PDE1A: variants seen among roughly 807,000 people sequenced by gnomAD.
PDE1A encodes the protein phosphodiesterase 1A, also known as dual specificity calcium/calmodulin-dependent 3',5'-cyclic nucleotide phosphodiesterase 1A.
In PDE1A, 35 loss-of-function variants were observed where a neutral mutation model predicts 61.7. The observed-to-expected ratio is 0.57, with a 90% confidence interval of 0.43 to 0.75. The LOEUF (loss-of-function observed/expected upper bound fraction) is 0.75, where lower values mean the gene tolerates loss of function less well. Ranked by LOEUF, PDE1A falls within the 30% of genes least tolerant of loss-of-function variation. The probability of loss-of-function intolerance (pLI) is 0.00; values close to 1 mark genes in which losing one functional copy is unlikely to be tolerated. For missense variants in PDE1A, 597 were observed against 630.6 expected, an observed-to-expected ratio of 0.95 and a Z score of 0.57; for synonymous variants, 232 against 213.2, an observed-to-expected ratio of 1.09 and a Z score of -0.77.
exon 8 of PDE1A, chr2:182,205,961 T>C (rs1687064198): frequency 6.2e-7 from 1 of 1,610,120 alleles, no homozygotes; most frequent in African/African-American, 1.3e-5. Context: ...TTTGGATAAA[T>C]TTATCAAGAT....
intron 3 of PDE1A, among the ~76,000 whole-genome samples, chr2:182,235,640 TG>T (rs1032122410): frequency 1.3e-5 from 2 of 152,218 alleles, no homozygotes; most frequent in African/African-American, 4.8e-5. Context: ...CTCCAAGGCC[TG>T]GGAAGAAAGA....
intron 10 of PDE1A, among the ~76,000 whole-genome samples, chr2:182,193,779 G>A (rs1022048848): frequency 5.3e-5 from 8 of 151,984 alleles, no homozygotes; most frequent in Non-Finnish European, 8.8e-5. Flanking sequence ...TGGTGTAATC[G>A]GTGTTTATAG....
intron 1 of PDE1A, among the ~76,000 whole-genome samples, chr2:182,414,520 A>G (rs1702803415): frequency 6.6e-6 from 1 of 152,162 alleles, no homozygotes; most frequent in African/African-American, 2.4e-5. Flanking sequence ...ATAGCATAGT[A>G]ACTGGCATAA....
chr2:182,478,450 T>C (rs1240227804), intron 2 of PDE1A, among the ~76,000 whole-genome samples: 2 of 151,840 alleles, frequency 1.3e-5, no homozygotes, highest in African/African-American at 4.8e-5. Flanking sequence ...GGTGCTTTAA[T>C]AGATGAACAG....
chr2:182,310,680 T>G (rs1695906074), intron 1 of PDE1A, among the ~76,000 whole-genome samples: 1 of 152,156 alleles, frequency 6.6e-6, no homozygotes, highest in South Asian at 2.1e-4. Context: ...TCTTACAAAT[T>G]TTACCAGCTT....
the PDE1A span, among the ~76,000 whole-genome samples, chr2:182,709,680 G>C: frequency 6.6e-6 from 1 of 152,126 alleles, no homozygotes. Context: ...GAAATGAAAT[G>C]CTTTCTTTGT....
At chr2:182,580,015 C>T in the PDE1A span, among the ~76,000 whole-genome samples, 1 of 152,204 alleles carries the variant, frequency 6.6e-6, no homozygotes, top group Admixed American at 6.5e-5. Flanking sequence ...CCATTTCATT[C>T]AGGCTAACAA....
intron 1 of PDE1A, among the ~76,000 whole-genome samples, chr2:182,353,123 G>A (rs2125114329): frequency 6.6e-6 from 1 of 152,248 alleles, no homozygotes; most frequent in South Asian, 2.1e-4. Flanking sequence ...ACAGCTGCAA[G>A]CTAAAAAACA....
the PDE1A span, among the ~76,000 whole-genome samples, chr2:182,694,531 C>T: frequency 1.3e-5 from 2 of 152,134 alleles, no homozygotes; most frequent in African/African-American, 4.8e-5. Context: ...TTGAAACACC[C>T]AGAAGACATG....
chr2:182,382,382 C>G (rs1700787508), intron 1 of PDE1A, among the ~76,000 whole-genome samples: 1 of 152,190 alleles, frequency 6.6e-6, no homozygotes, highest in Non-Finnish European at 1.5e-5. Context: ...AAGGTAGCCC[C>G]TGACTAACAA....
At chr2:182,207,075 A>C (rs1023029657) in intron 7 of PDE1A, among the ~76,000 whole-genome samples, 1 of 152,184 alleles carries the variant, frequency 6.6e-6, no homozygotes, top group Non-Finnish European at 1.5e-5. Context: ...GTATTGCTAT[A>C]AAGATACCTA....
the PDE1A span, among the ~76,000 whole-genome samples, chr2:182,621,069 G>T: frequency 6.6e-6 from 1 of 152,058 alleles, no homozygotes; most frequent in Non-Finnish European, 1.5e-5. Flanking sequence ...TCTCTGGAAG[G>T]TTCTCTGTGC....
chr2:182,396,964 T>C (rs952208130), intron 1 of PDE1A, among the ~76,000 whole-genome samples: 26 of 152,162 alleles, frequency 1.7e-4, no homozygotes, highest in Middle Eastern at 3.2e-3. Flanking sequence ...AGAAACAACA[T>C]AGCACAAATT....
the PDE1A span, among the ~76,000 whole-genome samples, chr2:182,549,535 C>T: frequency 0.9 from 137,084 of 152,132 alleles, 61,954 homozygotes; most frequent in East Asian, 1. Context: ...CTGGAAAATA[C>T]CTCCAAATTT....
At chr2:182,423,737 G>A (rs1053427864) in intron 1 of PDE1A, among the ~76,000 whole-genome samples, 8 of 151,908 alleles carry the variant, frequency 5.3e-5, no homozygotes, top group African/African-American at 1.9e-4. Context: ...TCAATGATAT[G>A]TCACGTGAGG....
chr2:182,358,366 T>C (rs978760501), intron 1 of PDE1A, among the ~76,000 whole-genome samples: 3 of 152,180 alleles, frequency 2.0e-5, no homozygotes, highest in Admixed American at 1.3e-4. Context: ...TACATCTGCA[T>C]ACTTTCTAAA....
chr2:182,704,915 G>A, the PDE1A span, among the ~76,000 whole-genome samples: 9 of 152,310 alleles, frequency 5.9e-5, no homozygotes, highest in South Asian at 2.1e-4. Context: ...TCCCTAGATC[G>A]TACTCTATGG....
At chr2:182,201,047 T>A (rs1686584198) in intron 10 of PDE1A, among the ~76,000 whole-genome samples, 1 of 152,190 alleles carries the variant, frequency 6.6e-6, no homozygotes, top group South Asian at 2.1e-4. Flanking sequence ...AAGCAATATT[T>A]CTTGGCCTCC....
intron 1 of PDE1A, among the ~76,000 whole-genome samples, chr2:182,348,050 T>A (rs13003148): frequency 6.6e-6 from 1 of 152,008 alleles, no homozygotes. Flanking sequence ...GAGAAGACTA[T>A]TGCACTTAAA....
Sources: allele counts gnomAD v4.1 joint callset (sites outside exome capture counted in the v4.1 genomes callset), GRCh38; gene constraint gnomAD v4.1.1; transcripts MANE v1.5; gene names NCBI Gene and HGNC (gene_info 2026-07-23, HGNC 2026-07-21).